MRPS6: variants seen among roughly 807,000 people sequenced by gnomAD.
MRPS6 encodes small ribosomal subunit protein bS6m.
A neutral mutation model predicts 13.1 loss-of-function variants in MRPS6; 6 were observed. The observed-to-expected ratio is 0.46, with a 90% CI of 0.25 to 0.91. MRPS6 has a LOEUF of 0.91. Ranked by LOEUF, MRPS6 falls within the 40% of genes least tolerant of loss-of-function variation. MRPS6 has a pLI of 0.18. For missense variants in MRPS6, 164 were observed against 155.6 expected (o/e 1.05, Z -0.29); for synonymous variants, 61 against 56.5 (o/e 1.08, Z -0.36).
At chr21:34,076,112 GA>G (rs1989324230) in intron 1 of MRPS6, among the ~76,000 whole-genome samples, 1 of 152,082 alleles carries the variant, frequency 6.6e-6, no homozygotes, top group African/African-American at 2.4e-5. Flanking sequence ...TGGAATTGAG[GA>G]AAATGCTGTG....
chr21:34,114,498 A>G (rs1979826729), intron 1 of MRPS6, among the ~76,000 whole-genome samples: 1 of 151,228 alleles, frequency 6.6e-6, no homozygotes, highest in Admixed American at 6.6e-5. Context: ...CTTTAAAAAA[A>G]TCTTAGTGTC....
rs766689462 is a variant in MRPS6, at chr21:34,096,713, C to T, written c.45+22968C>T. On this transcript the variant is annotated intron_variant, in intron 1 of 2. Coordinates refer to ENST00000399312, the MANE Select transcript of MRPS6 (RefSeq NM_032476.4). The surrounding 1 kb of genome is among the most constrained non-coding windows in gnomAD (Gnocchi z 5.9). ...ACCAACCTGATAATAGGCCGGGCTT[C>T]ATCAAAGACATCCATTATATGTATG... 67 of 1,613,956 alleles carry T rather than the reference C, an allele frequency of 4.2e-5. No individual in the cohort carries two copies. Among genetic ancestry groups the T allele is most frequent in the Non-Finnish European group, 5.5e-5 (65 of 1,180,000 alleles).
intron 1 of MRPS6, among the ~76,000 whole-genome samples, chr21:34,108,107 C>T (rs907596185): frequency 2.0e-5 from 3 of 152,126 alleles, no homozygotes; most frequent in South Asian, 2.1e-4. Flanking sequence ...TACCGTAACA[C>T]GTTACTCCTG....
chr21:34,087,765 A>G (rs774202540), intron 1 of MRPS6, among the ~76,000 whole-genome samples: 3 of 152,250 alleles, frequency 2.0e-5, no homozygotes, highest in Non-Finnish European at 2.9e-5. Flanking sequence ...TAGTGGGCCA[A>G]GGGCAGAAGC....
chr21:34,092,769 C>T (rs531530878), intron 1 of MRPS6, among the ~76,000 whole-genome samples: 1 of 152,284 alleles, frequency 6.6e-6, no homozygotes, highest in African/African-American at 2.4e-5. Context: ...CTATTTCCCC[C>T]CCAACGGCCA....
chr21:34,119,190 C>T (rs1465912560), intron 1 of MRPS6, among the ~76,000 whole-genome samples: 1 of 152,156 alleles, frequency 6.6e-6, no homozygotes, highest in African/African-American at 2.4e-5. Context: ...CAAACAGTTC[C>T]TGTGGAATCA....
intron 1 of MRPS6, chr21:34,103,531 C>G: frequency 4.0e-6 from 4 of 999,994 alleles, no homozygotes; most frequent in Non-Finnish European, 4.8e-6. Flanking sequence ...TACGTGACAA[C>G]AGTTTATATT....
At chr21:34,095,358 T>C in intron 1 of MRPS6, 1 of 1,614,136 alleles carries the variant, frequency 6.2e-7, no homozygotes, top group Non-Finnish European at 8.5e-7. Flanking sequence ...AATTGGTGCC[T>C]CTCTGTTTGT....
In MRPS6 at chr21:34,093,245, T is replaced by G. The variant is rs575650013; in HGVS notation, c.45+19500T>G. ...CAAACCTCAACTTTTAAGATTTTTTTTTTTTTTTTTGCTTTTCTCTGGCAA... is the reference window on the plus strand; with the variant it reads ...CAAACCTCAACTTTTAAGATTTTTTGTTTTTTTTTTGCTTTTCTCTGGCAA... On this transcript the variant is annotated intron_variant, in intron 1 of 2. Transcript: ENST00000399312. Among the ~76,000 whole-genome samples the G allele has an allele frequency of 2.9e-3, 445 of 152,162 alleles. 2 individuals are homozygous for G. Among genetic ancestry groups the G allele is most frequent in the African/African-American group, 0.01 (420 of 41,510 alleles).
Position 34,096,885 on chromosome 21 carries a change from G to A in MRPS6, c.45+23140G>A, listed in dbSNP as rs1978987725. The A allele has an allele frequency of 6.2e-7, 1 of 1,614,024 alleles. No individual in the cohort carries two copies. Among genetic ancestry groups the A allele is most frequent in the African/African-American group, 1.3e-5 (1 of 75,002 alleles). Reference sequence around the variant, plus strand: ...GAAGGAGAACTGCTCCCCAAAAGAGGAACCATACAAAATGCAAGAAAAGAG... The same window carrying A: ...GAAGGAGAACTGCTCCCCAAAAGAGAAACCATACAAAATGCAAGAAAAGAG... On this transcript the variant is annotated intron_variant, in intron 1 of 2. Coordinates refer to ENST00000399312, the MANE Select transcript of MRPS6 (RefSeq NM_032476.4). This position sits in a 1 kb window ranked among gnomAD's most constrained non-coding sequence, Gnocchi z 5.9.
chr21:34,113,182 T>G (rs1171362967), intron 1 of MRPS6, among the ~76,000 whole-genome samples: 1 of 152,156 alleles, frequency 6.6e-6, no homozygotes, highest in Non-Finnish European at 1.5e-5. Flanking sequence ...TATGGAGATT[T>G]CTCAAAATAT....
intron 1 of MRPS6, among the ~76,000 whole-genome samples, chr21:34,122,008 C>T (rs996965395): frequency 6.6e-6 from 1 of 152,162 alleles, no homozygotes; most frequent in African/African-American, 2.4e-5. Flanking sequence ...GTGAGGAATA[C>T]ACCCTCTATA....
intron 2 of MRPS6, among the ~76,000 whole-genome samples, chr21:34,137,541 A>AAAG (rs1197053906): frequency 6.6e-6 from 1 of 152,236 alleles, no homozygotes; most frequent in Non-Finnish European, 1.5e-5. Context: ...TCATATGCAA[A>AAAG]TAAGACAGTC....
At chr21:34,125,100 T>C (rs1980253540) in intron 1 of MRPS6, 2 of 528,888 alleles carry the variant, frequency 3.8e-6, no homozygotes, top group Non-Finnish European at 6.0e-6. Flanking sequence ...CCCTGGTCCC[T>C]GAACTCTCCG....
intron 1 of MRPS6, among the ~76,000 whole-genome samples, chr21:34,090,316 C>T (rs1767115399): frequency 1.3e-5 from 2 of 152,224 alleles, no homozygotes; most frequent in Non-Finnish European, 2.9e-5. Context: ...ATACACTCTG[C>T]ATCAAGCGTT....
intron 2 of MRPS6, among the ~76,000 whole-genome samples, chr21:34,136,294 C>G (rs566443513): frequency 6.6e-6 from 1 of 152,038 alleles, no homozygotes; most frequent in African/African-American, 2.4e-5. Context: ...ATTACAGGCA[C>G]GTGCCACCAT....
intron 1 of MRPS6, chr21:34,124,056 G>A (rs1443143319): frequency 6.6e-6 from 1 of 152,126 alleles, no homozygotes; most frequent in Non-Finnish European, 1.5e-5. Context: ...CCTTTCTATT[G>A]ATCTCACCTC....
intron 1 of MRPS6, chr21:34,102,498 CAG>C: frequency 1.0e-6 from 1 of 1,000,128 alleles, no homozygotes; most frequent in Non-Finnish European, 1.2e-6. Context: ...GTCTTTCACT[CAG>C]AAATAAACAA....
At chr21:34,075,680 C>T (rs1194310927) in intron 1 of MRPS6, among the ~76,000 whole-genome samples, 1 of 152,170 alleles carries the variant, frequency 6.6e-6, no homozygotes, top group African/African-American at 2.4e-5. Context: ...TTGAGGAGAT[C>T]CTTGACCTAA....
Sources: allele counts gnomAD v4.1 joint callset (sites outside exome capture counted in the v4.1 genomes callset), GRCh38; gene constraint gnomAD v4.1.1; non-coding constraint Gnocchi (gnomAD v3.1); transcripts MANE v1.5; gene names NCBI Gene and HGNC (gene_info 2026-07-23, HGNC 2026-07-21).